The following SUMF1 variants were observed in gnomAD, a reference collection of about 807,000 sequenced individuals.
The protein encoded by SUMF1 is sulfatase modifying factor 1.
SUMF1 carries 48 observed loss-of-function variants against 47.6 expected under a neutral mutation model. The observed-to-expected ratio is 1.01, with a 90% CI of 0.80 to 1.28. SUMF1 has a LOEUF of 1.28. Ranked by LOEUF, SUMF1 falls within the 50% of genes most tolerant of loss-of-function variation. SUMF1 has a pLI of 0.00. For missense variants in SUMF1, 571 were observed against 485.4 expected (o/e 1.18, Z -1.66); for synonymous variants, 230 against 192.1 (o/e 1.20, Z -1.63).
At chr3:4,338,924 G>A (rs911496770) in intron 8 of SUMF1, among the ~76,000 whole-genome samples, 1 of 152,116 alleles carries the variant, frequency 6.6e-6, no homozygotes, top group African/African-American at 2.4e-5. Flanking sequence ...GGCGGACTGG[G>A]ACCAGGTCTG....
At chr3:4,307,826 C>T (rs1195287913) in intron 8 of SUMF1, among the ~76,000 whole-genome samples, 1 of 152,162 alleles carries the variant, frequency 6.6e-6, no homozygotes, top group East Asian at 1.9e-4. Flanking sequence ...CACTTGAAGT[C>T]AGGAGTTTAA....
intron 8 of SUMF1, among the ~76,000 whole-genome samples, chr3:4,290,208 A>G (rs1460550917): frequency 6.6e-6 from 1 of 152,234 alleles, no homozygotes; most frequent in African/African-American, 2.4e-5. Flanking sequence ...TTTGTCAAAC[A>G]TATTCACTCA....
At chr3:4,385,077 G>A (rs1043553490) in intron 7 of SUMF1, among the ~76,000 whole-genome samples, 2 of 151,906 alleles carry the variant, frequency 1.3e-5, no homozygotes, top group African/African-American at 4.8e-5. Flanking sequence ...GCACAGACAG[G>A]GTTTCACCAT....
At chr3:4,321,470 TAAAAAAAAAAAAA>T (rs1206478992) in intron 8 of SUMF1, among the ~76,000 whole-genome samples, 5 of 63,742 alleles carry the variant, frequency 7.8e-5, no homozygotes, top group Admixed American at 2.0e-4. Flanking sequence ...AAGGAAATGC[TAAAAAAAAAAAAA>T]AAAAAAAAAA....
chr3:4,376,380 G>A lies in SUMF1; in HGVS notation c.964C>T (p.Pro322Ser). Residue 322 changes from proline (P) to serine (S), a missense_variant, in exon 8 of 9, where the codon CCT (proline) becomes TCT (serine). Transcript: ENST00000272902. ...TTCTTCACTCGGTCTTTCCCAGAAG[G>A]GGGACCTTTCTACAGATGAAGAAAA... ...VEETLNPKGP[P>S]SGKDRVKKGG... 3 of 1,614,096 alleles carry A rather than the reference G, an allele frequency of 1.9e-6. No homozygotes were observed. Among genetic ancestry groups the A allele is most frequent in the Non-Finnish European group, 2.5e-6 (3 of 1,179,984 alleles).
chr3:4,141,257 G>A (rs1480623614), intron 8 of SUMF1, among the ~76,000 whole-genome samples: 1 of 152,118 alleles, frequency 6.6e-6, no homozygotes, highest in Non-Finnish European at 1.5e-5. Flanking sequence ...TAATACGGAG[G>A]TAATCATCAA....
intron 8 of SUMF1, among the ~76,000 whole-genome samples, chr3:4,220,226 CTGTG>C (rs1696031431): frequency 1.3e-5 from 2 of 152,180 alleles, no homozygotes; most frequent in Non-Finnish European, 2.9e-5. Context: ...GCTCATCTCT[CTGTG>C]TGTGTGCTGC....
At chr3:4,439,536 A>T (rs1294740208) in intron 3 of SUMF1, among the ~76,000 whole-genome samples, 1 of 152,028 alleles carries the variant, frequency 6.6e-6, no homozygotes, top group Non-Finnish European at 1.5e-5. Context: ...AAAAAAAAAA[A>T]GTTAAGTGGC....
At chr3:4,216,687 T>C (rs1323234406) in intron 8 of SUMF1, among the ~76,000 whole-genome samples, 3 of 151,920 alleles carry the variant, frequency 2.0e-5, no homozygotes, top group African/African-American at 7.3e-5. Context: ...AACAACCCCA[T>C]CAAAAAGTGG....
At chr3:4,366,640 A>C (rs1346527044) in intron 8 of SUMF1, among the ~76,000 whole-genome samples, 3 of 151,816 alleles carry the variant, frequency 2.0e-5, no homozygotes, top group Non-Finnish European at 2.9e-5. Flanking sequence ...AAAGTTTTTA[A>C]CTTCTTTGCC....
chr3:4,279,826 G>A (rs539180160), intron 8 of SUMF1, among the ~76,000 whole-genome samples: 34 of 152,096 alleles, frequency 2.2e-4, no homozygotes, highest in African/African-American at 7.7e-4. Context: ...ATCAACTTTA[G>A]GATGCATAAA....
intron 8 of SUMF1, among the ~76,000 whole-genome samples, chr3:4,259,809 G>A (rs1479591886): frequency 6.6e-6 from 1 of 152,086 alleles, no homozygotes; most frequent in Non-Finnish European, 1.5e-5. Context: ...AGGATAGGTA[G>A]AACATATATT....
At chr3:4,091,313 T>C (rs1692781777) in intron 8 of SUMF1, among the ~76,000 whole-genome samples, 1 of 152,160 alleles carries the variant, frequency 6.6e-6, no homozygotes, top group African/African-American at 2.4e-5. Context: ...CCTTCACCTC[T>C]TGTAACAGGG....
rs2582346 is a variant in SUMF1, at chr3:4,353,474, G to A, written c.1014+22856C>T. On this transcript the variant is annotated intron_variant and NMD_transcript_variant, in intron 8 of 12. Coordinates refer to the SUMF1 transcript ENST00000448413. ...TCACCGTGTTAGCCAGGATGGTCTC[G>A]ATCTCCTGACCTCGTGATCCGCCCA... 4.8e-3 allele frequency among the ~76,000 whole-genome samples: 723 copies of A among 152,154 alleles called. 6 individuals carry two copies. Among genetic ancestry groups the A allele is most frequent in the African/African-American group, 0.016 (676 of 41,508 alleles).
At chr3:4,050,970 G>A (rs75394984) in intron 9 of SUMF1, among the ~76,000 whole-genome samples, 1,567 of 151,876 alleles carry the variant, frequency 0.01, 29 homozygotes, top group African/African-American at 0.036. Flanking sequence ...AGAAAACTAC[G>A]CACTCACCCT....
intron 8 of SUMF1, among the ~76,000 whole-genome samples, chr3:4,349,991 C>T (rs1434827466): frequency 2.0e-5 from 3 of 150,146 alleles, no homozygotes; most frequent in African/African-American, 4.9e-5. Context: ...GTATATATTA[C>T]GTATTATTTT....
At chr3:4,363,413 T>C (rs1405383131) in intron 8 of SUMF1, among the ~76,000 whole-genome samples, 3 of 152,126 alleles carry the variant, frequency 2.0e-5, no homozygotes, top group Non-Finnish European at 4.4e-5. Flanking sequence ...CAGTGGTTTG[T>C]AGTTCTCCTT....
chr3:4,335,122 C>G (rs139186099), intron 8 of SUMF1, among the ~76,000 whole-genome samples: 2 of 152,110 alleles, frequency 1.3e-5, no homozygotes, highest in Non-Finnish European at 2.9e-5. Flanking sequence ...TTGGTCAAAT[C>G]TAACAAAAGA....
chr3:4,145,405 T>C (rs1285492022), intron 8 of SUMF1, among the ~76,000 whole-genome samples: 1 of 152,098 alleles, frequency 6.6e-6, no homozygotes, highest in African/African-American at 2.4e-5. Flanking sequence ...CATTACTTTG[T>C]GGGAAAGATC....
Sources: allele counts gnomAD v4.1 joint callset (sites outside exome capture counted in the v4.1 genomes callset), GRCh38; gene constraint gnomAD v4.1.1; transcripts MANE v1.5; gene names NCBI Gene and HGNC (gene_info 2026-07-23, HGNC 2026-07-21).